The following PAFAH1B2 variants were observed in gnomAD, a reference collection of about 807,000 sequenced individuals.
PAFAH1B2 encodes platelet-activating factor acetylhydrolase IB subunit alpha2.
PAFAH1B2 carries 8 observed loss-of-function variants against 28.0 expected under a neutral mutation model. The ratio of observed to expected loss-of-function variants is 0.29; its 90% CI spans 0.17 to 0.52. The LOEUF (loss-of-function observed/expected upper bound fraction) is 0.52. Ranked by LOEUF, PAFAH1B2 falls within the 20% of genes least tolerant of loss-of-function variation. PAFAH1B2 has a pLI of 0.97. For missense variants in PAFAH1B2, 190 were observed against 282.6 expected, an observed-to-expected ratio of 0.67 and a Z score of 2.35; for synonymous variants, 104 against 103.2, an observed-to-expected ratio of 1.01 and a Z score of -0.05.
intron 2 of PAFAH1B2, 79 bp downstream of exon 2, chr11:117,152,607 A>C (rs1956177070): frequency 6.0e-6 from 6 of 1,007,126 alleles, no homozygotes; most frequent in African/African-American, 1.6e-5. Context: ...TTTTTGAGAC[A>C]AGGTCTCACT....
At chr11:117,146,404 G>A (rs1434999818) in intron 1 of PAFAH1B2, among the ~76,000 whole-genome samples, 1 of 151,978 alleles carries the variant, frequency 6.6e-6, no homozygotes, top group East Asian at 1.9e-4. Context: ...AGAAGTTTGC[G>A]TCTTACCACT....
chr11:117,149,458 G>C (rs1476204242), intron 1 of PAFAH1B2, among the ~76,000 whole-genome samples: 3 of 26,868 alleles, frequency 1.1e-4, no homozygotes, highest in African/African-American at 3.6e-4. Flanking sequence ...ATGGAGTCTC[G>C]CTCTGTCCCC....
chr11:117,161,366 A>G, intron 4 of PAFAH1B2, 105 bp downstream of exon 4: 2 of 670,234 alleles, frequency 3.0e-6, no homozygotes, highest in South Asian at 4.5e-5. Flanking sequence ...GACCTATTTC[A>G]CTATTTTTTT....
At chr11:117,155,568 T>G (rs1956239125) in intron 2 of PAFAH1B2, among the ~76,000 whole-genome samples, 1 of 152,214 alleles carries the variant, frequency 6.6e-6, no homozygotes, top group East Asian at 1.9e-4. Context: ...AAACCAGTTC[T>G]AATATATTGC....
downstream of PAFAH1B2, among the ~76,000 whole-genome samples, chr11:117,174,164 TTGTGTG>T (rs55735449): frequency 0.019 from 2,675 of 138,884 alleles, 32 homozygotes; most frequent in African/African-American, 0.033. Flanking sequence ...TTCATGTCTT[TTGTGTG>T]TGTGTGTGTG....
chr11:117,174,164 TTGTGTGTGTGTGTGTGTGTG>T (rs55735449), downstream of PAFAH1B2, among the ~76,000 whole-genome samples: 914 of 138,916 alleles, frequency 6.6e-3, 10 homozygotes, highest in African/African-American at 0.023. Flanking sequence ...TTCATGTCTT[TTGTGTGTGTGTGTGTGTGTG>T]TGTGTGTGTG....
chr11:117,173,286 C>A (rs557801439), downstream of PAFAH1B2, among the ~76,000 whole-genome samples: 2 of 152,266 alleles, frequency 1.3e-5, no homozygotes, highest in East Asian at 3.9e-4. Flanking sequence ...ACTGACCTAT[C>A]TCTAGGAGAA....
rs1274432709 is a variant in PAFAH1B2 at position 117,144,289 on chromosome 11, A to G, written c.-137A>G. ...TGAGTGGCAGGGGAACCGGAAGTGG[A>G]GGAGCTGCTGCTGGTGCTGGGGCCG... On this transcript the variant is annotated 5_prime_UTR_variant, in exon 1 of 6. Coordinates refer to ENST00000527958, the MANE Select transcript of PAFAH1B2 (RefSeq NM_002572.4). 5.4e-6 allele frequency: 2 copies of G among 373,608 alleles called. No individual in the cohort carries two copies. Among genetic ancestry groups the G allele is most frequent in the Non-Finnish European group, 1.1e-5 (2 of 180,136 alleles). 23.1% of individuals were successfully genotyped at this position (373,608 alleles called of 1,614,324 possible). A position where few individuals can be genotyped will look rare whatever the true frequency, so the allele number is the denominator to read the frequency against.
At chr11:117,147,579 T>C (rs948362724) in intron 1 of PAFAH1B2, among the ~76,000 whole-genome samples, 4 of 152,208 alleles carry the variant, frequency 2.6e-5, no homozygotes, top group African/African-American at 9.7e-5. Flanking sequence ...GCTTTGTTCT[T>C]AAAGAGGAGA....
chr11:117,176,004 A>G (rs1234919883), downstream of PAFAH1B2: 1 of 1,240,262 alleles, frequency 8.1e-7, no homozygotes, highest in African/African-American at 1.5e-5. Flanking sequence ...AGCTGACTGC[A>G]TGGAGGGCTC....
rs7938902 is a variant in PAFAH1B2, at chr11:117,167,731, C to G, written c.*32C>G. ...CTTATCAGTGTTAATAGCATCTCAGCTTCCTCAGATCAGTTCTATCACTGG... is the reference window on the plus strand; with the variant it reads ...CTTATCAGTGTTAATAGCATCTCAGGTTCCTCAGATCAGTTCTATCACTGG... On this transcript the variant is annotated 3_prime_UTR_variant, in exon 6 of 6. Coordinates refer to ENST00000527958, the MANE Select transcript of PAFAH1B2 (RefSeq NM_002572.4). 4 of 1,487,754 alleles carry G rather than the reference C, an allele frequency of 2.7e-6. No homozygotes were observed. The highest frequency in any genetic ancestry group is 1.8e-6 in the Non-Finnish European group (2 of 1,114,500). 92.2% of individuals were successfully genotyped at this position (1,487,754 alleles called of 1,614,324 possible).
Position 117,159,691 on chromosome 11 carries a change from C to T in PAFAH1B2, c.82-243C>T, listed in dbSNP as rs112653892. The T allele has an allele frequency of 1.2e-4, 48 of 401,390 alleles. 2 individuals carry two copies. The highest frequency in any genetic ancestry group is 6.7e-4 in the African/African-American group (33 of 49,328). The allele number at this position is 401,390 out of a possible 1,614,324, so 24.9% of individuals were successfully genotyped here. On this transcript the variant is annotated intron_variant, in intron 2 of 5. Transcript: ENST00000527958. ...CAGAAGTTGCAGTGAGCCAAGATCACGCCACTGTACTCCAGCCTGGGTGAG... is the reference window on the plus strand; with the variant it reads ...CAGAAGTTGCAGTGAGCCAAGATCATGCCACTGTACTCCAGCCTGGGTGAG...
chr11:117,170,172 G>T lies in PAFAH1B2; in HGVS notation c.*2473G>T. 9.5e-7 allele frequency: 1 copy of T among 1,055,866 alleles called. No homozygotes were observed. The highest frequency in any genetic ancestry group is 1.7e-5 in the African/African-American group (1 of 60,542). 65.4% of individuals were successfully genotyped at this position (1,055,866 alleles called of 1,614,324 possible). A position where few individuals can be genotyped will look rare whatever the true frequency, so the allele number is the denominator to read the frequency against. ...CTTTGACATCCTAGTTTGCGTCAGT[G>T]ACAGAACTTACTGCTTAGTCTTTGT... On this transcript the variant is annotated 3_prime_UTR_variant, in exon 6 of 6. Transcript: ENST00000527958.
intron 2 of PAFAH1B2, among the ~76,000 whole-genome samples, chr11:117,153,545 C>G (rs1327375676): frequency 6.6e-6 from 1 of 152,116 alleles, no homozygotes; most frequent in Non-Finnish European, 1.5e-5. Flanking sequence ...CGCCCGCCAC[C>G]ACGCTCAGCT....
chr11:117,175,972 A>G, downstream of PAFAH1B2: 1 of 1,510,114 alleles, frequency 6.6e-7, no homozygotes. Context: ...AGGAAATCCT[A>G]CACTGATTCT....
Position 117,168,455 on chromosome 11 carries a change from T to TG in PAFAH1B2, c.*756_*757insG. The TG allele has an allele frequency of 2.3e-6, 2 of 887,488 alleles. No individual in the cohort carries two copies. Among genetic ancestry groups the TG allele is most frequent in the East Asian group, 6.4e-5 (1 of 15,682 alleles). The allele number at this position is 887,488 out of a possible 1,614,324, so 55.0% of individuals were successfully genotyped here. ...TTCCCCCCGCCACCCCGTTTTTTTT[T>TG]TTTTTTTTTTTTTTTTGGTTCTTGT... is the stretch of plus-strand genomic sequence containing the variant. On this transcript the variant is annotated 3_prime_UTR_variant, in exon 6 of 6. Transcript: ENST00000527958.
chr11:117,145,232 C>G (rs1024485310), intron 1 of PAFAH1B2, among the ~76,000 whole-genome samples: 2 of 152,130 alleles, frequency 1.3e-5, no homozygotes, highest in South Asian at 2.1e-4. Flanking sequence ...GCCTTCTGGT[C>G]TACAGGTTTG....
At chr11:117,173,894 A>C (rs1343025218), downstream of PAFAH1B2, among the ~76,000 whole-genome samples, 1 of 152,228 alleles carries the variant, frequency 6.6e-6, no homozygotes, top group Non-Finnish European at 1.5e-5. Flanking sequence ...ATTCTTTCTA[A>C]GCACCAAATG....
At chr11:117,167,347 T>C (rs1449875226) in intron 5 of PAFAH1B2, 74 bp from the exon 6 acceptor site, 1 of 1,385,758 alleles carries the variant, frequency 7.2e-7, no homozygotes, top group Non-Finnish European at 9.7e-7. Context: ...GTTCCAGGAA[T>C]ATCTGAAGTT....
Sources: gnomAD v4.1 joint callset for allele counts (sites outside exome capture counted in the v4.1 genomes callset) on GRCh38, gnomAD v4.1.1 for gene constraint, MANE v1.5 for transcripts, NCBI Gene and HGNC (gene_info 2026-07-23, HGNC 2026-07-21) for gene names.